DMD: variants seen among roughly 807,000 people sequenced by gnomAD.
DMD encodes dystrophin.
DMD carries 63 observed loss-of-function variants against 330.1 expected under a neutral mutation model. The observed-to-expected ratio is 0.19, with a 90% CI of 0.16 to 0.24. The LOEUF (loss-of-function observed/expected upper bound fraction) is 0.24, where lower values mean the gene tolerates loss of function less well. Among genes scored for constraint, DMD ranks in the 10% least tolerant of loss-of-function variants. The pLI is 1.00. For missense variants in DMD, 3,344 were observed against 2,684.1 expected (o/e 1.25, Z -5.43); for synonymous variants, 1,223 against 959.8 (o/e 1.27, Z -5.07).
chrX:32,966,249 T>C (rs73188354), intron 2 of DMD, among the ~76,000 whole-genome samples: 244 of 112,041 alleles, frequency 2.2e-3, no homozygotes, highest in Non-Finnish European at 3.8e-3. Flanking sequence ...TTCATGCCCA[T>C]CAAATATGAG....
intron 45 of DMD, among the ~76,000 whole-genome samples, chrX:31,964,423 T>C (rs185576590): frequency 2.7e-5 from 3 of 111,399 alleles, no homozygotes; most frequent in East Asian, 5.6e-4. Flanking sequence ...ATTAAGGAAA[T>C]ATGAATATGG....
chrX:32,565,785 T>A lies in DMD; in HGVS notation c.1909A>T (p.Thr637Ser). 1 of 1,211,218 alleles carries A rather than the reference T, an allele frequency of 8.3e-7. No homozygotes were observed. Among genetic ancestry groups the A allele is most frequent in the South Asian group, 1.8e-5 (1 of 57,003 alleles). ...TCCAGCCATGCTTCCGTCTTCTGGG[T>A]CACTGACTTATTCTTCAGTGTTGAA... ...LLSTLKNKSV[T>S]QKTEAWLDNF... is the part of the protein sequence containing the mutation. The change falls in exon 16 of 79, where the codon ACC (threonine) becomes TCC (serine). Residue 637 changes from threonine (T) to serine (S), a missense_variant. Transcript: ENST00000357033.
At chrX:31,512,899 G>A (rs1761779678) in intron 55 of DMD, among the ~76,000 whole-genome samples, 1 of 108,416 alleles carries the variant, frequency 9.2e-6, no homozygotes. Flanking sequence ...GATGGGGATG[G>A]CATTGAATCT....
intron 2 of DMD, among the ~76,000 whole-genome samples, chrX:33,004,172 C>A (rs1446888595): frequency 9.1e-6 from 1 of 110,477 alleles, no homozygotes; most frequent in East Asian, 2.9e-4. Flanking sequence ...GAAGCCTTTC[C>A]AATAAAATGA....
At chrX:32,017,688 A>G (rs965525144) in intron 44 of DMD, among the ~76,000 whole-genome samples, 3 of 111,843 alleles carry the variant, frequency 2.7e-5, no homozygotes, top group Admixed American at 9.5e-5. Flanking sequence ...TGGCAAGATG[A>G]AGCAAGAGTA....
At chrX:31,734,613 T>C (rs979936343) in intron 51 of DMD, among the ~76,000 whole-genome samples, 1 of 111,680 alleles carries the variant, frequency 9.0e-6, no homozygotes, top group Admixed American at 9.6e-5. Flanking sequence ...ATTTGAGTTA[T>C]AGCAATTTTT....
rs1452098420 is a variant in DMD, at chrX:32,491,392, T to C, written c.2507A>G (p.Tyr836Cys). 5.8e-6 allele frequency: 7 copies of C among 1,211,804 alleles called. No homozygotes were observed. The highest frequency in any genetic ancestry group is 7.8e-6 in the Non-Finnish European group (7 of 895,545). Residue 836 changes from tyrosine to cysteine, a missense_variant, in exon 20 of 79, where the codon TAT becomes TGT. Coordinates refer to ENST00000357033, the MANE Select transcript of DMD (RefSeq NM_004006.3). ...CTGCTCCAATTGTTGTAGCTGATTA[T>C]AGAAAGCGATGATGTTGTTCTGATA... ...LEYQNNIIAF[Y>C]NQLQQLEQMT...
intron 6 of DMD, among the ~76,000 whole-genome samples, chrX:32,810,992 C>T (rs188816877): frequency 7.5e-4 from 83 of 109,949 alleles, no homozygotes; most frequent in Non-Finnish European, 1.5e-4. Flanking sequence ...GGTCTTTACT[C>T]GAAAATCACA....
At chrX:31,203,143 G>A (rs954924981) in intron 67 of DMD, among the ~76,000 whole-genome samples, 2 of 109,182 alleles carry the variant, frequency 1.8e-5, no homozygotes, top group Non-Finnish European at 3.8e-5. Flanking sequence ...TTAGCTTGGG[G>A]TGGCGGTGGG....
At chrX:32,407,864 A>G (rs1407567056) in intron 30 of DMD, among the ~76,000 whole-genome samples, 1 of 106,335 alleles carries the variant, frequency 9.4e-6, no homozygotes, top group East Asian at 3.1e-4. Flanking sequence ...TCAGCAAACT[A>G]TCGCAAGGAC....
intron 55 of DMD, among the ~76,000 whole-genome samples, chrX:31,556,477 A>G (rs759054578): frequency 8.9e-4 from 96 of 108,139 alleles, no homozygotes; most frequent in African/African-American, 3.1e-3. Context: ...CATTTGCTAC[A>G]TTTTAAAGAA....
intron 1 of DMD, among the ~76,000 whole-genome samples, chrX:33,117,760 A>G (rs2095396058): frequency 8.9e-6 from 1 of 111,773 alleles, no homozygotes; most frequent in Admixed American, 9.6e-5. Context: ...ATCATCGAGA[A>G]CCTGAAACTT....
chrX:32,850,471 G>A (rs1436269814), intron 2 of DMD, among the ~76,000 whole-genome samples: 2 of 111,893 alleles, frequency 1.8e-5, no homozygotes, highest in African/African-American at 6.5e-5. Flanking sequence ...AAATACTCAT[G>A]AGACACACTA....
chrX:31,941,050 T>C lies in DMD; in HGVS notation c.6615-8823A>G, dbSNP rs1209580804. On this transcript the variant is annotated intron_variant, in intron 45 of 78. Transcript: ENST00000357033. Reference sequence around the variant, plus strand: ...TGAACTGTGTTCTCCAATGCTACTTTAATAGATCCAATCAACTAACTGAGC... The same window carrying C: ...TGAACTGTGTTCTCCAATGCTACTTCAATAGATCCAATCAACTAACTGAGC... Among the ~76,000 whole-genome samples the C allele has an allele frequency of 2.7e-5, 3 of 111,918 alleles. No homozygotes were observed. In the East Asian group the frequency reaches 8.4e-4, roughly 31 times the overall value.
chrX:33,140,997 ATTG>A (rs761767218), intron 1 of DMD, among the ~76,000 whole-genome samples: 98 of 112,114 alleles, frequency 8.7e-4, no homozygotes, highest in African/African-American at 3.0e-3. Context: ...CTAGATAATA[ATTG>A]TTAAGTATAA....
intron 19 of DMD, among the ~76,000 whole-genome samples, chrX:32,496,852 A>G (rs1267645274): frequency 8.9e-6 from 1 of 112,602 alleles, no homozygotes; most frequent in Non-Finnish European, 1.9e-5. Flanking sequence ...ATATAAATCA[A>G]ACTGCCCAGT....
At chrX:32,032,299 G>A (rs907361291) in intron 44 of DMD, among the ~76,000 whole-genome samples, 7 of 110,780 alleles carry the variant, frequency 6.3e-5, no homozygotes, top group African/African-American at 3.3e-5. Context: ...CACATCCCTC[G>A]TAAGTTCAAT....
intron 1 of DMD, among the ~76,000 whole-genome samples, chrX:33,140,399 G>A (rs12556158): frequency 0.078 from 8,708 of 111,672 alleles, 356 homozygotes; most frequent in South Asian, 0.2. Flanking sequence ...GTACAAAGAT[G>A]TTCAGGAGGA....
chrX:31,366,385 T>C (rs775993159), intron 60 of DMD, among the ~76,000 whole-genome samples: 2 of 94,860 alleles, frequency 2.1e-5, no homozygotes, highest in South Asian at 5.2e-4. Flanking sequence ...TGAACCCTTG[T>C]GGATCTCACT....
Sources: allele counts gnomAD v4.1 joint callset (sites outside exome capture counted in the v4.1 genomes callset), GRCh38; gene constraint gnomAD v4.1.1; transcripts MANE v1.5; gene names NCBI Gene and HGNC (gene_info 2026-07-23, HGNC 2026-07-21).